Variants in ABRAXAS1 observed in about 807,000 individuals in gnomAD.
The protein encoded by ABRAXAS1 is BRCA1-A complex subunit Abraxas 1.
Under a neutral mutation model 38.4 loss-of-function variants are expected in ABRAXAS1, and 26 were observed. The observed-to-expected ratio is 0.68, with a 90% CI of 0.50 to 0.94. The LOEUF (loss-of-function observed/expected upper bound fraction) is 0.94. Ranked by LOEUF, ABRAXAS1 falls within the 40% of genes least tolerant of loss-of-function variation. The pLI is 0.00. For synonymous variants in ABRAXAS1, 144 were observed against 165.5 expected (o/e 0.87, Z 1.00); for missense variants, 438 against 481.9 (o/e 0.91, Z 0.85).
chr4:83,482,935 T>C (rs552091007), intron 1 of ABRAXAS1, among the ~76,000 whole-genome samples: 13 of 152,262 alleles, frequency 8.5e-5, no homozygotes, highest in African/African-American at 3.1e-4. Flanking sequence ...CAGAGCACTT[T>C]GCCTTGGAGC....
intron 8 of ABRAXAS1, 71 bp from the exon 9 acceptor site, chr4:83,462,973 A>G: frequency 9.9e-7 from 1 of 1,010,354 alleles, no homozygotes; most frequent in Non-Finnish European, 1.4e-6. Flanking sequence ...AACTATTTGT[A>G]AGTAAAATTA....
chr4:83,483,699 AGAC>A (rs1479478591), intron 1 of ABRAXAS1, among the ~76,000 whole-genome samples: 1 of 151,742 alleles, frequency 6.6e-6, no homozygotes. Flanking sequence ...GATACTCAAA[AGAC>A]GAACTCAGGG....
chr4:83,474,750 G>T (rs1251264086), intron 3 of ABRAXAS1, among the ~76,000 whole-genome samples: 1 of 151,356 alleles, frequency 6.6e-6, no homozygotes, highest in Non-Finnish European at 1.5e-5. Context: ...GTCTCAGATC[G>T]AGGGCCACAT....
intron 2 of ABRAXAS1, among the ~76,000 whole-genome samples, chr4:83,480,844 T>C (rs1319241412): frequency 6.6e-6 from 1 of 152,062 alleles, no homozygotes; most frequent in Non-Finnish European, 1.5e-5. Context: ...AAAAATAGTA[T>C]TGTAGGCCAG....
At position 83,462,913 on chromosome 4, in the gene ABRAXAS1, T is replaced by G. The variant is rs776370144; in HGVS notation, c.797-11A>C. On this transcript the variant is annotated splice_polypyrimidine_tract_variant and intron_variant, in intron 8 of 8. Transcript: ENST00000321945. Reference sequence around the variant, plus strand: ...GGATGTTCTTCTCTCCTAAACAAAATAGAATAACAGTTCAACATATAACAT... The same window carrying G: ...GGATGTTCTTCTCTCCTAAACAAAAGAGAATAACAGTTCAACATATAACAT... 24 of 1,516,190 alleles carry G rather than the reference T, an allele frequency of 1.6e-5. No homozygotes were observed. The highest frequency in any genetic ancestry group is 3.5e-4 in the Middle Eastern group (2 of 5,646). The allele number at this position is 1,516,190 out of a possible 1,614,324, so 93.9% of individuals were successfully genotyped here.
chr4:83,474,951 T>C (rs1234750829), intron 3 of ABRAXAS1, among the ~76,000 whole-genome samples: 1 of 152,302 alleles, frequency 6.6e-6, no homozygotes, highest in South Asian at 2.1e-4. Flanking sequence ...TGTTGTTTAA[T>C]GAAGTATGTA....
intron 3 of ABRAXAS1, among the ~76,000 whole-genome samples, chr4:83,472,804 G>T (rs940368085): frequency 3.9e-5 from 6 of 152,166 alleles, no homozygotes; most frequent in Non-Finnish European, 5.9e-5. Context: ...AGAACAGTTT[G>T]TTCAGGAGTT....
intron 2 of ABRAXAS1, chr4:83,478,379 C>G (rs1578133993): frequency 1.8e-6 from 1 of 571,406 alleles, no homozygotes. Context: ...CCTGGAACAT[C>G]ATTCTTTAAA....
intron 4 of ABRAXAS1, among the ~76,000 whole-genome samples, chr4:83,470,785 G>T (rs1407223121): frequency 6.6e-6 from 1 of 152,112 alleles, no homozygotes; most frequent in African/African-American, 2.4e-5. Flanking sequence ...TCGCCTGTAT[G>T]GACACTTGGT....
intron 3 of ABRAXAS1, among the ~76,000 whole-genome samples, chr4:83,473,063 G>A (rs537198776): frequency 6.6e-6 from 1 of 152,176 alleles, no homozygotes; most frequent in South Asian, 2.1e-4. Context: ...TGGATGGCTC[G>A]AGCCCAGAAG....
intron 2 of ABRAXAS1, among the ~76,000 whole-genome samples, chr4:83,481,740 AAT>A (rs1723005839): frequency 6.6e-6 from 1 of 152,034 alleles, no homozygotes; most frequent in South Asian, 2.1e-4. Context: ...TTTTAAAATT[AAT>A]ATATATTTCT....
rs1354903605 is a variant in ABRAXAS1 at position 83,485,082 on chromosome 4, G to A, written c.-10C>T. The A allele has an allele frequency of 3.2e-6, 5 of 1,584,050 alleles. No homozygotes were observed. In the African/African-American group the frequency reaches 4.2e-5, roughly 13 times the overall value. On this transcript the variant is annotated 5_prime_UTR_variant, in exon 1 of 9. Coordinates refer to ENST00000321945, the MANE Select transcript of ABRAXAS1 (RefSeq NM_139076.3). ...TACTCTCCCCCTCCATGCTACCGCC[G>A]CCTCAGGCTACACAAGAGGACGAGG...
intron 2 of ABRAXAS1, 109 bp from the exon 3 acceptor site, chr4:83,476,788 A>G: frequency 1.5e-6 from 1 of 662,512 alleles, no homozygotes; most frequent in Non-Finnish European, 2.7e-6. Flanking sequence ...ACCACTGATT[A>G]TCTGATTTTT....
intron 7 of ABRAXAS1, among the ~76,000 whole-genome samples, chr4:83,466,329 T>C (rs1052172629): frequency 1.8e-4 from 27 of 152,126 alleles, no homozygotes; most frequent in African/African-American, 5.8e-4. Context: ...GACATCTAGT[T>C]CTAAAAGGAC....
At chr4:83,477,058 C>G (rs1352780873) in intron 2 of ABRAXAS1, among the ~76,000 whole-genome samples, 1 of 152,176 alleles carries the variant, frequency 6.6e-6, no homozygotes, top group Non-Finnish European at 1.5e-5. Context: ...TTAATAAACT[C>G]ACCTGTTAAA....
chr4:83,478,438 T>C (rs1044420640), intron 2 of ABRAXAS1: 2 of 481,826 alleles, frequency 4.2e-6, no homozygotes, highest in Non-Finnish European at 4.1e-6. Flanking sequence ...CTGAATTATA[T>C]GTGAGCCCAG....
chr4:83,482,269 T>C (rs754721966), intron 1 of ABRAXAS1, 25 bp from the exon 2 acceptor site: 9 of 1,348,766 alleles, frequency 6.7e-6, no homozygotes, highest in Middle Eastern at 1.8e-4. Context: ...AGGCAATATA[T>C]AGAATACACT....
chr4:83,475,566 C>G (rs143261254), intron 3 of ABRAXAS1, among the ~76,000 whole-genome samples: 137 of 152,254 alleles, frequency 9.0e-4, no homozygotes, highest in African/African-American at 3.1e-3. Context: ...GCCTCAGCCT[C>G]CCCAGTAGCT....
rs745989042 is a variant in ABRAXAS1, at chr4:83,462,244, C to G, written c.*225G>C. On this transcript the variant is annotated 3_prime_UTR_variant, in exon 9 of 9. Transcript: ENST00000321945. ...TCTGTGTAAGCCTTCCCCTCAACAACTTAGTGAAAGGTGAAAAAAAGGTTT... is the reference window on the plus strand; with the variant it reads ...TCTGTGTAAGCCTTCCCCTCAACAAGTTAGTGAAAGGTGAAAAAAAGGTTT... 3 of 487,762 alleles carry G rather than the reference C, an allele frequency of 6.2e-6. No individual in the cohort carries two copies. Among genetic ancestry groups the G allele is most frequent in the African/African-American group, 3.9e-5 (2 of 51,240 alleles). The allele number at this position is 487,762 out of a possible 1,614,324, so 30.2% of individuals were successfully genotyped here. A position where few individuals can be genotyped will look rare whatever the true frequency, so the allele number is the denominator to read the frequency against.
Sources: allele counts gnomAD v4.1 joint callset (sites outside exome capture counted in the v4.1 genomes callset), GRCh38; gene constraint gnomAD v4.1.1; transcripts MANE v1.5; gene names NCBI Gene and HGNC (gene_info 2026-07-23, HGNC 2026-07-21).